The following CCDC158 variants were observed in gnomAD, a reference collection of about 807,000 sequenced individuals.
The protein encoded by CCDC158 is coiled-coil domain-containing protein 158.
CCDC158 carries 116 observed loss-of-function variants against 138.6 expected under a neutral mutation model. The ratio of observed to expected loss-of-function variants is 0.84; its 90% CI spans 0.72 to 0.98. The LOEUF (loss-of-function observed/expected upper bound fraction) is 0.98. Ranked by LOEUF, CCDC158 falls within the 50% of genes least tolerant of loss-of-function variation. CCDC158 has a pLI of 0.00. For missense variants in CCDC158, 1,265 were observed against 1,306.1 expected (o/e 0.97, Z 0.48); for synonymous variants, 436 against 442.4 (o/e 0.99, Z 0.18).
intron 3 of CCDC158, among the ~76,000 whole-genome samples, chr4:76,397,892 G>A (rs10016462): frequency 0.029 from 4,485 of 152,266 alleles, 221 homozygotes; most frequent in African/African-American, 0.1. Context: ...TTCCTAGCAA[G>A]ATAGTTGAAT....
At chr4:76,329,198 A>T (rs547461643) in intron 21 of CCDC158, among the ~76,000 whole-genome samples, 19 of 152,340 alleles carry the variant, frequency 1.2e-4, no homozygotes, top group Middle Eastern at 6.8e-3. Flanking sequence ...TATAATCTTC[A>T]TTAGAAAATC....
intron 13 of CCDC158, among the ~76,000 whole-genome samples, chr4:76,359,100 C>T (rs564951653): frequency 6.6e-6 from 1 of 151,472 alleles, no homozygotes; most frequent in African/African-American, 2.4e-5. Context: ...TCCCTCTTCT[C>T]TCTCTCTCTC....
chr4:76,391,335 G>A (rs1198344643), intron 4 of CCDC158, among the ~76,000 whole-genome samples: 2 of 151,976 alleles, frequency 1.3e-5, no homozygotes, highest in Non-Finnish European at 2.9e-5. Flanking sequence ...CATCTTCTCT[G>A]ACAACAATGG....
At chr4:76,400,003 G>A (rs1227011404) in intron 3 of CCDC158, among the ~76,000 whole-genome samples, 1 of 152,078 alleles carries the variant, frequency 6.6e-6, no homozygotes, top group African/African-American at 2.4e-5. Context: ...AGAAAAGAGA[G>A]GACCAGCATA....
At chr4:76,360,628 C>G (rs183591441) in intron 13 of CCDC158, among the ~76,000 whole-genome samples, 1 of 152,200 alleles carries the variant, frequency 6.6e-6, no homozygotes, top group African/African-American at 2.4e-5. Context: ...GACTGCCCTG[C>G]TGGGTTTCAG....
chr4:76,365,260 C>T (rs1211348290), intron 12 of CCDC158, among the ~76,000 whole-genome samples: 4 of 152,186 alleles, frequency 2.6e-5, no homozygotes, highest in East Asian at 1.9e-4. Context: ...AGAAACCATA[C>T]CTTCTACAGC....
At chr4:76,351,883 T>A in intron 16 of CCDC158, 71 bp from the exon 17 acceptor site, 1 of 885,488 alleles carries the variant, frequency 1.1e-6, no homozygotes, top group Non-Finnish European at 1.8e-6. Context: ...AACCTATGAA[T>A]GCAGAGCTGC....
chr4:76,345,038 A>G (rs1722408629), intron 18 of CCDC158: 6 of 1,374,316 alleles, frequency 4.4e-6, no homozygotes, highest in Non-Finnish European at 6.2e-6. Flanking sequence ...TTATTACAAT[A>G]GGATCAACGA....
chr4:76,380,976 G>A (rs1726184167), intron 8 of CCDC158, among the ~76,000 whole-genome samples: 1 of 152,262 alleles, frequency 6.6e-6, no homozygotes, highest in African/African-American at 2.4e-5. Context: ...TCCATGTGGT[G>A]TTGAGCCTGG....
In CCDC158 at chr4:76,388,351, G is replaced by A. The variant is rs548685677; in HGVS notation, c.289-3686C>T. On this transcript the variant is annotated intron_variant, in intron 4 of 24. Coordinates refer to ENST00000682701, the MANE Select transcript of CCDC158 (RefSeq NM_001394954.1). ...TCTGGACCTGCCCTGTGTCAGAAGG[G>A]AACCTAGTGCCCTAAAGGGTGAGTT... is the stretch of plus-strand genomic sequence containing the variant. 2.0e-5 allele frequency among the ~76,000 whole-genome samples: 3 copies of A among 152,104 alleles called. No homozygotes were observed. In the South Asian group the frequency reaches 6.2e-4, roughly 32 times the overall value.
At chr4:76,326,736 G>C (rs1720565685) in intron 22 of CCDC158, among the ~76,000 whole-genome samples, 1 of 152,070 alleles carries the variant, frequency 6.6e-6, no homozygotes, top group Admixed American at 6.5e-5. Context: ...AATGGAAAGT[G>C]ATATCTTCAA....
intron 22 of CCDC158, among the ~76,000 whole-genome samples, chr4:76,326,439 AG>A (rs1455925016): frequency 6.6e-6 from 1 of 152,206 alleles, no homozygotes; most frequent in Non-Finnish European, 1.5e-5. Flanking sequence ...AAAATCAAGA[AG>A]AAAAAAATAT....
intron 17 of CCDC158, among the ~76,000 whole-genome samples, 178 bp from the exon 18 acceptor site, chr4:76,351,299 G>A (rs572943637): frequency 1.5e-5 from 2 of 129,640 alleles, no homozygotes; most frequent in African/African-American, 2.5e-5. Flanking sequence ...TAAAATGTAC[G>A]ATTTAAAAAA....
At chr4:76,416,161 C>A (rs897796795) in intron 1 of CCDC158, among the ~76,000 whole-genome samples, 4 of 151,390 alleles carry the variant, frequency 2.6e-5, no homozygotes, top group Non-Finnish European at 5.9e-5. Context: ...TCTCTCTCTG[C>A]CTCAGCTGCC....
At chr4:76,351,208 C>A in intron 17 of CCDC158, 87 bp from the exon 18 acceptor site, 1 of 1,264,900 alleles carries the variant, frequency 7.9e-7, no homozygotes, top group South Asian at 1.6e-5. Context: ...TTTGATTTCA[C>A]AGGCAAAATC....
chr4:76,326,236 T>C (rs1482537010), intron 22 of CCDC158, among the ~76,000 whole-genome samples: 1 of 152,168 alleles, frequency 6.6e-6, no homozygotes, highest in Non-Finnish European at 1.5e-5. Context: ...TCCTGAGGTC[T>C]AGCTTCAAAT....
chr4:76,421,475 C>T (rs1579138404), upstream of CCDC158, among the ~76,000 whole-genome samples: 1 of 152,142 alleles, frequency 6.6e-6, no homozygotes, highest in Admixed American at 6.5e-5. Flanking sequence ...CCGCTTCTCC[C>T]ACAGCCTCCT....
At chr4:76,393,410 T>G (rs946943196) in intron 4 of CCDC158, among the ~76,000 whole-genome samples, 1 of 152,140 alleles carries the variant, frequency 6.6e-6, no homozygotes. Context: ...TAAATGGTAC[T>G]GGGAAAACTG....
intron 7 of CCDC158, 43 bp downstream of exon 7, chr4:76,383,619 T>C: frequency 1.4e-6 from 2 of 1,406,120 alleles, no homozygotes; most frequent in Non-Finnish European, 1.0e-6. Flanking sequence ...AAAACTGTGG[T>C]TTAGTTTCGC....
Sources: allele counts gnomAD v4.1 joint callset (sites outside exome capture counted in the v4.1 genomes callset), GRCh38; gene constraint gnomAD v4.1.1; transcripts MANE v1.5; gene names NCBI Gene and HGNC (gene_info 2026-07-23, HGNC 2026-07-21).